SPHK1: variants seen among roughly 807,000 people sequenced by gnomAD.
SPHK1 encodes the protein SK 1.
Under a neutral mutation model 14.6 loss-of-function variants are expected in SPHK1, and 10 were observed. The observed-to-expected ratio is 0.68, with a 90% CI of 0.42 to 1.16. The LOEUF (loss-of-function observed/expected upper bound fraction) is 1.16, where lower values mean the gene tolerates loss of function less well. SPHK1 is among the 50% of genes most tolerant of loss of function. SPHK1 has a pLI of 0.00. For missense variants in SPHK1, 553 were observed against 525.4 expected (o/e 1.05, Z -0.51); for synonymous variants, 274 against 224.0 (o/e 1.22, Z -1.99).
At position 76,387,131 on chromosome 17, in the gene SPHK1, G is replaced by T. The variant is rs772246250; in HGVS notation, c.700G>T (p.Val234Leu). 1.9e-6 allele frequency: 3 copies of T among 1,613,236 alleles called. No homozygotes were observed. Among genetic ancestry groups the T allele is most frequent in the Non-Finnish European group, 2.5e-6 (3 of 1,180,028 alleles). The change falls in exon 6 of 6, where the codon GTA (valine) becomes TTA (leucine). Residue 234 changes from valine (V) to leucine (L), a missense_variant. Coordinates refer to ENST00000592299, the MANE Select transcript of SPHK1 (RefSeq NM_001142601.2). The surrounding 1 kb of genome is among the most constrained non-coding windows in gnomAD (Gnocchi z 4.1). The stretch of plus-strand genomic sequence containing the variant: ...CCCCGTTGTGGTCCAGCAGGGCCCG[G>T]TAGATGCACACCTTGTGCCACTGGA... ...ASPVVVQQGP[V>L]DAHLVPLEEP... is the part of the protein sequence containing the mutation.
Position 76,385,148 on chromosome 17 carries a change from C to T in SPHK1, c.-194-303C>T. ...GGGATTTTTACGCAGCTGGACTCCC[C>T]TCCCCCTGGCAGCCCCGAGGGGTGA... On this transcript the variant is annotated intron_variant, in intron 1 of 5. Transcript: ENST00000592299. This position sits in a 1 kb window ranked among gnomAD's most constrained non-coding sequence, Gnocchi z 5.3. 6.3e-7 allele frequency: 1 copy of T among 1,594,972 alleles called. No homozygotes were observed. The highest frequency in any genetic ancestry group is 8.5e-7 in the Non-Finnish European group (1 of 1,172,114).
chr17:76,386,063 C>T lies in SPHK1; in HGVS notation c.89C>T (p.Ala30Val). 6.2e-7 allele frequency: 1 copy of T among 1,608,014 alleles called. No individual in the cohort carries two copies. Among genetic ancestry groups the T allele is most frequent in the African/African-American group, 1.3e-5 (1 of 74,942 alleles). The change falls in exon 3 of 6, where the codon GCC becomes GTC. Residue 30 changes from alanine (A) to valine (V), a missense_variant. Coordinates refer to ENST00000592299, the MANE Select transcript of SPHK1 (RefSeq NM_001142601.2). This position sits in a 1 kb window ranked among gnomAD's most constrained non-coding sequence, Gnocchi z 5.3. The stretch of plus-strand genomic sequence containing the variant: ...AACCCGCGCGGCGGCAAGGGCAAGG[C>T]CTTGCAGCTCTTCCGGAGTCACGTG... ...LLNPRGGKGK[A>V]LQLFRSHVQP...
Position 76,386,273 on chromosome 17 carries a change from G to A in SPHK1, c.216G>A (p.Trp72Ter). 3 of 1,598,610 alleles carry A rather than the reference G, an allele frequency of 1.9e-6. No homozygotes were observed. The highest frequency in any genetic ancestry group is 2.5e-6 in the Non-Finnish European group (3 of 1,177,614). The change falls in exon 4 of 6, where the codon TGG becomes TGA. Residue 72 changes from tryptophan (W) to a stop codon, truncating the protein, a stop_gained. Coordinates refer to ENST00000592299, the MANE Select transcript of SPHK1 (RefSeq NM_001142601.2). LOFTEE classifies it high-confidence loss of function. This position sits in a 1 kb window ranked among gnomAD's most constrained non-coding sequence, Gnocchi z 5.3. The stretch of plus-strand genomic sequence containing the variant: ...TGCGGTCGGAGGAGCTGGGCCGCTG[G>A]GACGCTCTGGTGGTCATGTCTGGAG... ...ELVRSEELGRWDALVVMSGDG... is the reference protein window; with the variant it reads ...ELVRSEELGR
chr17:76,387,268 C>T lies in SPHK1; in HGVS notation c.837C>T (p.Arg279=). ...AGATGTTTGCTGCACCCATGGGCCG[C>T]TGTGCAGCTGGCGTCATGCATCTGT... ...GSEMFAAPMG[R]CAAGVMHLFY... is the part of the protein sequence containing the mutation. Residue 279 remains arginine (R), a synonymous_variant, in exon 6 of 6, where the codon CGC becomes CGT. Transcript: ENST00000592299. This position sits in a 1 kb window ranked among gnomAD's most constrained non-coding sequence, Gnocchi z 4.1. 3.7e-6 allele frequency: 6 copies of T among 1,613,484 alleles called. No homozygotes were observed. Among genetic ancestry groups the T allele is most frequent in the Non-Finnish European group, 5.1e-6 (6 of 1,179,940 alleles).
chr17:76,386,368 G>C lies in SPHK1; in HGVS notation c.259-25G>C. 4 of 1,608,026 alleles carry C rather than the reference G, an allele frequency of 2.5e-6. No homozygotes were observed. The highest frequency in any genetic ancestry group is 3.4e-6 in the Non-Finnish European group (4 of 1,177,022). On this transcript the variant is annotated intron_variant, in intron 4 of 5. Transcript: ENST00000592299. This position sits in a 1 kb window ranked among gnomAD's most constrained non-coding sequence, Gnocchi z 5.3. ...TGGGGCTTGGCGCGGTGCGTCCCAG[G>C]CTGAGGCCACGTGTGCTTCAACAGG... is the stretch of plus-strand genomic sequence containing the variant.
rs776261526 is a variant in SPHK1, at chr17:76,386,525, A to G, written c.374+17A>G. ...TTATGCTGGGTGAGAGCCCAGGGCC[A>G]GAGTAGGCCTGTTTCCCGTCAGTGC... On this transcript the variant is annotated intron_variant, in intron 5 of 5. Transcript: ENST00000592299. The surrounding 1 kb of genome is among the most constrained non-coding windows in gnomAD (Gnocchi z 5.3). 4 of 1,603,010 alleles carry G rather than the reference A, an allele frequency of 2.5e-6. No homozygotes were observed. In the Admixed American group the frequency reaches 6.7e-5, roughly 27 times the overall value.
In SPHK1 at chr17:76,386,267, C is replaced by T. The variant is rs752201347; in HGVS notation, c.210C>T (p.Gly70=). 5 of 1,596,708 alleles carry T rather than the reference C, an allele frequency of 3.1e-6. No individual in the cohort carries two copies. The highest frequency in any genetic ancestry group is 2.2e-5 in the East Asian group (1 of 44,570). The change falls in exon 4 of 6, where the codon GGC becomes GGT. Residue 70 remains glycine (G), a synonymous_variant. Transcript: ENST00000592299. The surrounding 1 kb of genome is among the most constrained non-coding windows in gnomAD (Gnocchi z 5.3). ...AGCTGGTGCGGTCGGAGGAGCTGGG[C>T]CGCTGGGACGCTCTGGTGGTCATGT... ...ARELVRSEEL[G]RWDALVVMSG...
At position 76,387,298 on chromosome 17, in the gene SPHK1, C is replaced by A. The variant is rs140442285; in HGVS notation, c.867C>A (p.Tyr289Ter). 6.2e-7 allele frequency: 1 copy of A among 1,613,662 alleles called. No homozygotes were observed. Among genetic ancestry groups the A allele is most frequent in the Non-Finnish European group, 8.5e-7 (1 of 1,179,990 alleles). ...CAGCTGGCGTCATGCATCTGTTCTA[C>A]GTGCGGGCGGGAGTGTCTCGTGCCA... ...RCAAGVMHLF[Y>*]VRAGVSRAML... is the part of the protein sequence containing the mutation. The change falls in exon 6 of 6, where the codon TAC becomes TAA. Residue 289 changes from tyrosine (Y) to a stop codon, truncating the protein, a stop_gained. Coordinates refer to ENST00000592299, the MANE Select transcript of SPHK1 (RefSeq NM_001142601.2). LOFTEE classifies it low-confidence loss of function (END_TRUNC). This position sits in a 1 kb window ranked among gnomAD's most constrained non-coding sequence, Gnocchi z 4.1.
At position 76,386,824 on chromosome 17, in the gene SPHK1, T is replaced by C. The variant is rs371062262; in HGVS notation, c.393T>C (p.Asn131=). The part of the protein sequence containing the change: ...NHYAGYEQVT[N]EDLLTNCTLL... ...CCTGCAGCTATGAGCAGGTCACCAA[T>C]GAAGACCTCCTGACCAACTGCACGC... The change falls in exon 6 of 6, where the codon AAT becomes AAC. Residue 131 remains asparagine (N), a synonymous_variant. Coordinates refer to ENST00000592299, the MANE Select transcript of SPHK1 (RefSeq NM_001142601.2). This position sits in a 1 kb window ranked among gnomAD's most constrained non-coding sequence, Gnocchi z 5.3. The C allele has an allele frequency of 6.4e-7, 1 of 1,557,464 alleles. No individual in the cohort carries two copies. The highest frequency in any genetic ancestry group is 1.9e-5 in the Admixed American group (1 of 53,994).
chr17:76,386,016 CTGCCGCG>C lies in SPHK1; in HGVS notation c.46_52del (p.Arg16TrpfsTer4). 9 of 1,604,970 alleles carry C rather than the reference CTGCCGCG, an allele frequency of 5.6e-6. No individual in the cohort carries two copies. The highest frequency in any genetic ancestry group is 7.7e-6 in the Non-Finnish European group (9 of 1,175,200). On this transcript the variant is annotated frameshift_variant, in exon 3 of 6. Coordinates refer to ENST00000592299, the MANE Select transcript of SPHK1 (RefSeq NM_001142601.2). LOFTEE classifies it high-confidence loss of function. This position sits in a 1 kb window ranked among gnomAD's most constrained non-coding sequence, Gnocchi z 5.3. ...GCCCCCGGGGCGTGCTCCCGCGGCCCTGCCGCGTGCTGGTGCTGCTGAACCCGCGCGG... is the reference window on the plus strand; with the variant it reads ...GCCCCCGGGGCGTGCTCCCGCGGCCCTGCTGGTGCTGCTGAACCCGCGCGG...
In SPHK1 at chr17:76,387,573, A is replaced by G; in HGVS notation, c.1142A>G (p.Glu381Gly). The G allele has an allele frequency of 6.3e-7, 1 of 1,594,700 alleles. No individual in the cohort carries two copies. Among genetic ancestry groups the G allele is most frequent in the Non-Finnish European group, 8.5e-7 (1 of 1,173,400 alleles). ...AAGCCCCAGCAGATGCCACCGCCAG[A>G]AGAGCCCTTATGACCCCTGGGCCGC... ...SWKPQQMPPP[E>G]EPL Residue 381 changes from glutamate (E) to glycine (G), a missense_variant, in exon 6 of 6, where the codon GAA becomes GGA. Coordinates refer to ENST00000592299, the MANE Select transcript of SPHK1 (RefSeq NM_001142601.2). This position sits in a 1 kb window ranked among gnomAD's most constrained non-coding sequence, Gnocchi z 4.1.
In SPHK1 at chr17:76,386,278, C is replaced by T. The variant is rs2071979923; in HGVS notation, c.221C>T (p.Ala74Val). ...VRSEELGRWD[A>V]LVVMSGDGLM... is the part of the protein sequence containing the mutation. ...TCGGAGGAGCTGGGCCGCTGGGACG[C>T]TCTGGTGGTCATGTCTGGAGACGGG... Residue 74 changes from alanine to valine, a missense_variant, in exon 4 of 6, where the codon GCT becomes GTT. Transcript: ENST00000592299. The surrounding 1 kb of genome is among the most constrained non-coding windows in gnomAD (Gnocchi z 5.3). 2 of 1,600,202 alleles carry T rather than the reference C, an allele frequency of 1.2e-6. No homozygotes were observed. The highest frequency in any genetic ancestry group is 8.5e-7 in the Non-Finnish European group (1 of 1,178,116).
upstream of SPHK1, chr17:76,384,220 C>G (rs193132702): frequency 0.024 from 3,736 of 153,966 alleles, 73 homozygotes; most frequent in African/African-American, 0.054. Flanking sequence ...AAGGGTCCCC[C>G]GGGAGAGCGG....
chr17:76,387,357 G>C lies in SPHK1; in HGVS notation c.926G>C (p.Gly309Ala), dbSNP rs1478287702. The change falls in exon 6 of 6, where the codon GGC becomes GCC. Residue 309 changes from glycine to alanine, a missense_variant. Transcript: ENST00000592299. This position sits in a 1 kb window ranked among gnomAD's most constrained non-coding sequence, Gnocchi z 4.1. ...LLRLFLAMEK[G>A]RHMEYECPYL... ...CGCCTCTTCCTGGCCATGGAGAAGGGCAGGCATATGGAGTATGAATGCCCC... is the reference window on the plus strand; with the variant it reads ...CGCCTCTTCCTGGCCATGGAGAAGGCCAGGCATATGGAGTATGAATGCCCC... 15 of 1,613,768 alleles carry C rather than the reference G, an allele frequency of 9.3e-6. No individual in the cohort carries two copies. Among genetic ancestry groups the C allele is most frequent in the Non-Finnish European group, 1.3e-5 (15 of 1,180,022 alleles).
chr17:76,384,158 C>T (rs1172682139), upstream of SPHK1: 1 of 159,850 alleles, frequency 6.3e-6, no homozygotes, highest in Non-Finnish European at 1.4e-5. Context: ...GGCGCTGCAT[C>T]CCGGCGCCGA....
chr17:76,383,968 C>T (rs1431841957), upstream of SPHK1: 6 of 948,132 alleles, frequency 6.3e-6, no homozygotes, highest in African/African-American at 1.8e-5. Context: ...GCTAGGCGGC[C>T]TCAGGCTCGG....
At position 76,387,286 on chromosome 17, in the gene SPHK1, G is replaced by C. The variant is rs757044508; in HGVS notation, c.855G>C (p.Met285Ile). 2 of 1,613,636 alleles carry C rather than the reference G, an allele frequency of 1.2e-6. No homozygotes were observed. Among genetic ancestry groups the C allele is most frequent in the Middle Eastern group, 1.6e-4 (1 of 6,062 alleles). ...APMGRCAAGV[M>I]HLFYVRAGVS... ...TGGGCCGCTGTGCAGCTGGCGTCAT[G>C]CATCTGTTCTACGTGCGGGCGGGAG... The change falls in exon 6 of 6, where the codon ATG (methionine) becomes ATC (isoleucine). Residue 285 changes from methionine to isoleucine, a missense_variant. By Grantham distance (10) the Met-to-Ile change is conservative. Transcript: ENST00000592299. The surrounding 1 kb of genome is among the most constrained non-coding windows in gnomAD (Gnocchi z 4.1).
chr17:76,387,325 G>A lies in SPHK1; in HGVS notation c.894G>A (p.Met298Ile). The change falls in exon 6 of 6, where the codon ATG becomes ATA. Residue 298 changes from methionine to isoleucine, a missense_variant. By Grantham distance (10) the Met-to-Ile change is conservative. Transcript: ENST00000592299. This position sits in a 1 kb window ranked among gnomAD's most constrained non-coding sequence, Gnocchi z 4.1. ...TGCGGGCGGGAGTGTCTCGTGCCAT[G>A]CTGCTGCGCCTCTTCCTGGCCATGG... ...FYVRAGVSRAMLLRLFLAMEK... is the reference protein window; with the variant it reads ...FYVRAGVSRAILLRLFLAMEK... 1.2e-6 allele frequency: 2 copies of A among 1,613,754 alleles called. No individual in the cohort carries two copies. Among genetic ancestry groups the A allele is most frequent in the Non-Finnish European group, 1.7e-6 (2 of 1,179,988 alleles).
chr17:76,386,443 G>T lies in SPHK1; in HGVS notation c.309G>T (p.Lys103Asn). 6.2e-7 allele frequency: 1 copy of T among 1,613,084 alleles called. No individual in the cohort carries two copies. The highest frequency in any genetic ancestry group is 8.5e-7 in the Non-Finnish European group (1 of 1,179,948). The change falls in exon 5 of 6, where the codon AAG becomes AAT. Residue 103 changes from lysine (K) to asparagine (N), a missense_variant. Physicochemically the swap from Lys to Asn is moderately conservative, Grantham distance 94. Transcript: ENST00000592299. The surrounding 1 kb of genome is among the most constrained non-coding windows in gnomAD (Gnocchi z 5.3). ...ERPDWETAIQKPLCSLPAGSG... is the reference protein window; with the variant it reads ...ERPDWETAIQNPLCSLPAGSG... ...CTGACTGGGAGACCGCCATCCAGAAGCCCCTGTGTAGCCTCCCAGCAGGCT... is the reference window on the plus strand; with the variant it reads ...CTGACTGGGAGACCGCCATCCAGAATCCCCTGTGTAGCCTCCCAGCAGGCT...
Sources: gnomAD v4.1 joint callset for allele counts on GRCh38, gnomAD v4.1.1 for gene constraint, Gnocchi (gnomAD v3.1) non-coding constraint, MANE v1.5 for transcripts, NCBI Gene and HGNC (gene_info 2026-07-23, HGNC 2026-07-21) for gene names.